Variants in ANKFN1 observed in about 807,000 individuals in gnomAD.
The protein encoded by ANKFN1 is ankyrin repeat and fibronectin type-III domain-containing protein 1.
In ANKFN1, 74 loss-of-function variants were observed where a neutral mutation model predicts 108.7. The ratio of observed to expected loss-of-function variants is 0.68; its 90% confidence interval spans 0.56 to 0.83. The LOEUF is 0.83. Among genes scored for constraint, ANKFN1 ranks in the 40% least tolerant of loss-of-function variants. ANKFN1 has a pLI of 0.00. For synonymous variants in ANKFN1, 547 were observed against 516.2 expected, an observed-to-expected ratio of 1.06 and a Z score of -0.81; for missense variants, 1,505 against 1,382.3, an observed-to-expected ratio of 1.09 and a Z score of -1.41.
intron 8 of ANKFN1, among the ~76,000 whole-genome samples, chr17:56,432,658 T>C (rs773291315): frequency 1.3e-5 from 2 of 152,204 alleles, no homozygotes; most frequent in African/African-American, 2.4e-5. Context: ...CAAGAGCTAA[T>C]GCAGGGAACC....
chr17:56,164,600 AT>A (rs1358746468), intron 1 of ANKFN1, among the ~76,000 whole-genome samples: 4 of 152,238 alleles, frequency 2.6e-5, no homozygotes, highest in African/African-American at 9.6e-5. Flanking sequence ...CTTTCTTAAT[AT>A]CAACAATCTG....
chr17:56,242,833 A>G (rs1917687168), intron 3 of ANKFN1, among the ~76,000 whole-genome samples: 1 of 152,132 alleles, frequency 6.6e-6, no homozygotes, highest in Non-Finnish European at 1.5e-5. Flanking sequence ...AGGTTAAGAA[A>G]AAGTCTTCTC....
rs1306948120 is a variant in ANKFN1 at position 56,452,842 on chromosome 17, G to T, written c.1207+3656G>T. ...TATAATGTGTCTCTGAAGCCAGACT[G>T]CCTGAGTTCAAATCTGGGCTGTACT... On this transcript the variant is annotated intron_variant, in intron 11 of 20. Coordinates refer to ENST00000682825, the MANE Select transcript of ANKFN1 (RefSeq NM_001370326.1). 3.9e-5 allele frequency among the ~76,000 whole-genome samples: 6 copies of T among 152,128 alleles called. No homozygotes were observed. The East Asian group carries it at 1.2e-3, about 29-fold the overall frequency.
Position 56,230,781 on chromosome 17 carries a change from C to T in ANKFN1, c.53+2824C>T, listed in dbSNP as rs565005837. Among the ~76,000 whole-genome samples, 18 of 152,096 alleles carry T rather than the reference C, an allele frequency of 1.2e-4. No homozygotes were observed. The South Asian group carries it at 2.9e-3, about 25-fold the overall frequency. ...TGCTTTTTAAGAGGCTTGGTGATAT[C>T]GTGTGTTCCTTTCGATTTTTGGCAG... is the stretch of plus-strand genomic sequence containing the variant. On this transcript the variant is annotated intron_variant, in intron 3 of 20. Transcript: ENST00000682825.
At chr17:56,104,112 G>T (rs1905698748) in intron 4 of ANKFN1, among the ~76,000 whole-genome samples, 1 of 152,120 alleles carries the variant, frequency 6.6e-6, no homozygotes, top group Non-Finnish European at 1.5e-5. Flanking sequence ...CTCATTCATG[G>T]AATAAAAAAG....
chr17:56,233,729 C>T (rs1359208626), intron 3 of ANKFN1, among the ~76,000 whole-genome samples: 2 of 151,716 alleles, frequency 1.3e-5, no homozygotes, highest in African/African-American at 2.4e-5. Flanking sequence ...CGTGTGTGTA[C>T]ATTATATATT....
intron 1 of ANKFN1, chr17:56,195,327 C>T (rs1913409559): frequency 6.6e-6 from 1 of 152,186 alleles, no homozygotes; most frequent in Non-Finnish European, 1.5e-5. Flanking sequence ...CTATGCTTCT[C>T]GAAGACTGTG....
intron 4 of ANKFN1, among the ~76,000 whole-genome samples, chr17:56,109,002 G>A (rs1404140999): frequency 6.6e-6 from 1 of 152,168 alleles, no homozygotes; most frequent in Non-Finnish European, 1.5e-5. Context: ...ATCATTAATA[G>A]AGTGGTTAAC....
chr17:56,250,125 A>C (rs888685504), intron 3 of ANKFN1, among the ~76,000 whole-genome samples: 1 of 152,142 alleles, frequency 6.6e-6, no homozygotes, highest in East Asian at 1.9e-4. Flanking sequence ...AAAAGACAAC[A>C]ATAACCCAAG....
chr17:56,457,156 A>G, intron 12 of ANKFN1, 101 bp from the exon 13 acceptor site: 1 of 1,249,212 alleles, frequency 8.0e-7, no homozygotes. Flanking sequence ...TAGCAGGAAT[A>G]CGTTCCTAGG....
chr17:56,401,116 C>A (rs950375519), intron 8 of ANKFN1, among the ~76,000 whole-genome samples: 8 of 152,064 alleles, frequency 5.3e-5, no homozygotes, highest in African/African-American at 1.9e-4. Context: ...TTTTCTAATT[C>A]TGTGAAGAAT....
At chr17:56,384,244 T>C (rs1458044812) in intron 8 of ANKFN1, among the ~76,000 whole-genome samples, 7 of 152,180 alleles carry the variant, frequency 4.6e-5, no homozygotes, top group Non-Finnish European at 1.0e-4. Context: ...ATTATCTCAA[T>C]AGATGCAGAA....
At chr17:56,427,254 G>T (rs1267052083) in intron 8 of ANKFN1, among the ~76,000 whole-genome samples, 1 of 152,124 alleles carries the variant, frequency 6.6e-6, no homozygotes, top group African/African-American at 2.4e-5. Flanking sequence ...AGAAACAGGT[G>T]ACTAAAAGAT....
At chr17:56,377,428 T>C (rs1477209716) in intron 8 of ANKFN1, among the ~76,000 whole-genome samples, 1 of 150,550 alleles carries the variant, frequency 6.6e-6, no homozygotes, top group Non-Finnish European at 1.5e-5. Context: ...AGGAAACAGT[T>C]TTCAGTGAGA....
At chr17:56,477,709 C>A in intron 16 of ANKFN1, 55 bp downstream of exon 16, 1 of 1,566,388 alleles carries the variant, frequency 6.4e-7, no homozygotes, top group South Asian at 1.2e-5. Flanking sequence ...CTCAAGTGAC[C>A]AGCTTGATGT....
At chr17:56,318,238 C>CT (rs1004745329) in intron 3 of ANKFN1, among the ~76,000 whole-genome samples, 9 of 151,826 alleles carry the variant, frequency 5.9e-5, no homozygotes, top group Non-Finnish European at 1.2e-4. Flanking sequence ...ATTAATGGTT[C>CT]TGGGGGGGGT....
chr17:56,230,929 A>T (rs1433967358), intron 3 of ANKFN1, among the ~76,000 whole-genome samples: 2 of 152,190 alleles, frequency 1.3e-5, no homozygotes, highest in African/African-American at 2.4e-5. Context: ...TGGGGCCCTG[A>T]CTGCTCCAGA....
chr17:56,412,023 C>T (rs2048108056), intron 8 of ANKFN1, among the ~76,000 whole-genome samples: 1 of 152,100 alleles, frequency 6.6e-6, no homozygotes, highest in African/African-American at 2.4e-5. Context: ...AAATTATTCT[C>T]TCCTCTTTGA....
At chr17:56,206,675 T>C (rs1053809600) in intron 1 of ANKFN1, 1 of 152,162 alleles carries the variant, frequency 6.6e-6, no homozygotes, top group Non-Finnish European at 1.5e-5. Flanking sequence ...CCTGGGAGCA[T>C]AAATAATTGA....
Sources: gnomAD v4.1 joint callset for allele counts (sites outside exome capture counted in the v4.1 genomes callset) on GRCh38, gnomAD v4.1.1 for gene constraint, MANE v1.5 for transcripts, NCBI Gene and HGNC (gene_info 2026-07-23, HGNC 2026-07-21) for gene names.